The following KCNQ5 variants were observed in gnomAD, a reference collection of about 807,000 sequenced individuals.
KCNQ5 encodes potassium voltage-gated channel subfamily Q member 5.
A neutral mutation model predicts 98.2 loss-of-function variants in KCNQ5; 30 were observed. The observed-to-expected ratio is 0.31, with a 90% CI of 0.23 to 0.41. KCNQ5 has a LOEUF of 0.41. Ranked by LOEUF, KCNQ5 falls within the 10% of genes least tolerant of loss-of-function variation. The pLI is 1.00. For synonymous variants in KCNQ5, 458 were observed against 449.4 expected (o/e 1.02, Z -0.24); for missense variants, 835 against 1,182.5 (o/e 0.71, Z 4.31).
intron 10 of KCNQ5, among the ~76,000 whole-genome samples, chr6:73,165,902 G>A (rs971593072): frequency 2.0e-5 from 3 of 151,732 alleles, no homozygotes; most frequent in African/African-American, 7.3e-5. Flanking sequence ...CCGAGATTGT[G>A]CTACTACACT....
intron 1 of KCNQ5, among the ~76,000 whole-genome samples, chr6:72,715,835 A>T (rs1379906534): frequency 1.3e-5 from 2 of 152,178 alleles, no homozygotes; most frequent in African/African-American, 4.8e-5. Flanking sequence ...TGAATAATAT[A>T]ATCTCCATTT....
chr6:73,044,685 G>A (rs949322451), intron 3 of KCNQ5, among the ~76,000 whole-genome samples: 2 of 152,154 alleles, frequency 1.3e-5, no homozygotes, highest in African/African-American at 4.8e-5. Context: ...AAAAACGCTT[G>A]ATGTAACTGG....
At chr6:73,185,396 G>A (rs1033480166) in intron 11 of KCNQ5, among the ~76,000 whole-genome samples, 1 of 152,042 alleles carries the variant, frequency 6.6e-6, no homozygotes, top group Non-Finnish European at 1.5e-5. Flanking sequence ...TGCCCAGGCT[G>A]GTCTCAAACT....
chr6:73,193,895 G>T (rs1395126983), intron 13 of KCNQ5, among the ~76,000 whole-genome samples: 2 of 148,004 alleles, frequency 1.4e-5, no homozygotes, highest in African/African-American at 5.0e-5. Flanking sequence ...GAAGTGCAGT[G>T]GCACAATCAT....
rs114497102 is a variant in KCNQ5 at position 73,174,025 on chromosome 6, C to A, written c.1577+4171C>A. On this transcript the variant is annotated intron_variant, in intron 11 of 13. Coordinates refer to ENST00000370398, the MANE Select transcript of KCNQ5 (RefSeq NM_019842.4). ...TTAAAACAGTGCAATGCAAAGCTTA[C>A]CTGCTTCTTACCGGTATTGTTTTCA... is the stretch of plus-strand genomic sequence containing the variant. 4.7e-3 allele frequency among the ~76,000 whole-genome samples: 712 copies of A among 151,878 alleles called. 7 individuals are homozygous for A. Among genetic ancestry groups the A allele is most frequent in the African/African-American group, 0.016 (643 of 41,414 alleles).
In KCNQ5 at chr6:73,194,940, A is replaced by C. The variant is rs1227236779; in HGVS notation, c.2325A>C (p.Glu775Asp). ...ACCCTAACCCTGCAGGCTTACAGGA[A>C]AGCATTTCTGACGTCACCACCTGCC... The part of the protein sequence containing the change: ...TLHPNPAGLQ[E>D]SISDVTTCLV... The change falls in exon 14 of 14, where the codon GAA (glutamate) becomes GAC (aspartate). Residue 775 changes from glutamate to aspartate, a missense_variant. Physicochemically the swap from Glu to Asp is conservative, Grantham distance 45. Coordinates refer to ENST00000370398, the MANE Select transcript of KCNQ5 (RefSeq NM_019842.4). 1 of 1,614,208 alleles carries C rather than the reference A, an allele frequency of 6.2e-7. No homozygotes were observed. Among genetic ancestry groups the C allele is most frequent in the South Asian group, 1.1e-5 (1 of 91,086 alleles).
At chr6:73,006,398 T>C (rs1158146272) in intron 2 of KCNQ5, among the ~76,000 whole-genome samples, 1 of 142,442 alleles carries the variant, frequency 7.0e-6, no homozygotes, top group Non-Finnish European at 1.5e-5. Flanking sequence ...ATGCATGTAA[T>C]CCCAGCACTT....
intron 2 of KCNQ5, among the ~76,000 whole-genome samples, chr6:73,025,552 G>A (rs530942342): frequency 6.8e-6 from 1 of 146,670 alleles, no homozygotes; most frequent in Admixed American, 7.1e-5. Flanking sequence ...TGAGCCGGGA[G>A]GCAAAGGTTG....
At chr6:72,796,801 G>A (rs1774357056) in intron 1 of KCNQ5, among the ~76,000 whole-genome samples, 1 of 152,064 alleles carries the variant, frequency 6.6e-6, no homozygotes, top group Admixed American at 6.6e-5. Context: ...ATTAAATTTT[G>A]CAAGAAATAC....
chr6:72,893,567 T>C lies in KCNQ5; in HGVS notation c.399-110341T>C, dbSNP rs9442867. Among the ~76,000 whole-genome samples the C allele has an allele frequency of 3.8e-3, 584 of 152,280 alleles. 2 individuals are homozygous for C. The highest frequency in any genetic ancestry group is 0.014 in the African/African-American group (564 of 41,562). The stretch of plus-strand genomic sequence containing the variant: ...TGTTAAAATCTGGTTAAACTAAATA[T>C]TGTACTGTTTTCTTTCCTTGGTAAA... On this transcript the variant is annotated intron_variant, in intron 1 of 13. Transcript: ENST00000370398.
chr6:73,151,804 T>A (rs995260538), intron 10 of KCNQ5, among the ~76,000 whole-genome samples: 1 of 152,234 alleles, frequency 6.6e-6, no homozygotes, highest in Admixed American at 6.5e-5. Flanking sequence ...GCTTTCAGGA[T>A]CTTGTGTTTT....
At chr6:72,805,355 CAG>C (rs1774899313) in intron 1 of KCNQ5, among the ~76,000 whole-genome samples, 1 of 152,012 alleles carries the variant, frequency 6.6e-6, no homozygotes. Context: ...TAGCAGGAGA[CAG>C]GGGTCTATTT....
chr6:73,025,029 C>A (rs1031922503), intron 2 of KCNQ5, among the ~76,000 whole-genome samples: 19 of 152,190 alleles, frequency 1.2e-4, no homozygotes, highest in Admixed American at 1.0e-3. Flanking sequence ...TCCCTAACTT[C>A]CTTATTAATA....
At chr6:72,899,667 A>T (rs1011516811) in intron 1 of KCNQ5, among the ~76,000 whole-genome samples, 1 of 151,430 alleles carries the variant, frequency 6.6e-6, no homozygotes, top group Non-Finnish European at 1.5e-5. Context: ...TTATTTTTCC[A>T]TAGATTATAG....
At chr6:72,664,807 A>G (rs779524820) in intron 1 of KCNQ5, among the ~76,000 whole-genome samples, 1 of 152,196 alleles carries the variant, frequency 6.6e-6, no homozygotes, top group Non-Finnish European at 1.5e-5. Flanking sequence ...ACTCAAAGGA[A>G]TTTCATTGGG....
chr6:73,035,989 G>C (rs1248743015), intron 2 of KCNQ5, among the ~76,000 whole-genome samples: 1 of 33,506 alleles, frequency 3.0e-5, no homozygotes, highest in East Asian at 4.2e-4. Context: ...ATACATTTGT[G>C]TGTGTGTGTG....
chr6:72,707,777 A>G (rs1436806780), intron 1 of KCNQ5, among the ~76,000 whole-genome samples: 2 of 152,140 alleles, frequency 1.3e-5, no homozygotes, highest in Admixed American at 1.3e-4. Context: ...GCAGTGGTGC[A>G]ATCATAGCTC....
At chr6:73,120,444 C>T in intron 7 of KCNQ5, 39 bp from the exon 8 acceptor site, 1 of 1,403,900 alleles carries the variant, frequency 7.1e-7, no homozygotes, top group Non-Finnish European at 1.0e-6. Flanking sequence ...ATCCTGCTCT[C>T]TTTTTTCTTT....
intron 1 of KCNQ5, among the ~76,000 whole-genome samples, chr6:72,851,870 A>G (rs1777273205): frequency 6.6e-6 from 1 of 152,138 alleles, no homozygotes; most frequent in African/African-American, 2.4e-5. Context: ...AGATTTTTAT[A>G]TGTAGATATC....
Sources: allele counts gnomAD v4.1 joint callset (sites outside exome capture counted in the v4.1 genomes callset), GRCh38; gene constraint gnomAD v4.1.1; transcripts MANE v1.5; gene names NCBI Gene and HGNC (gene_info 2026-07-23, HGNC 2026-07-21).